The following MYRIP variants were observed in gnomAD, a reference collection of about 807,000 sequenced individuals.
MYRIP encodes myosin VIIA and Rab interacting protein.
In MYRIP, 49 loss-of-function variants were observed where a neutral mutation model predicts 98.0. That is an observed-to-expected ratio of 0.50 (90% CI 0.40 to 0.63). MYRIP has a LOEUF of 0.63. Among genes scored for constraint, MYRIP ranks in the 30% least tolerant of loss-of-function variants. MYRIP has a pLI of 0.00. For missense variants in MYRIP, 1,004 were observed against 1,058.2 expected, an observed-to-expected ratio of 0.95 and a Z score of 0.71; for synonymous variants, 404 against 409.5, an observed-to-expected ratio of 0.99 and a Z score of 0.16.
rs933126667 is a variant in MYRIP, at chr3:40,066,997, A to G, written c.332+22726A>G. On this transcript the variant is annotated intron_variant, in intron 3 of 16. Transcript: ENST00000302541. ...GCTTTTCTGTCCTTTTTGCTTTTCT[A>G]TAGTTTCCAAAGCTTTTACTATCAA... Among the ~76,000 whole-genome samples the G allele has an allele frequency of 2.6e-5, 4 of 152,268 alleles. No individual in the cohort carries two copies. In the South Asian group the frequency reaches 8.3e-4, roughly 32 times the overall value.
chr3:40,056,019 G>T (rs1221188519), intron 3 of MYRIP, among the ~76,000 whole-genome samples: 1 of 152,208 alleles, frequency 6.6e-6, no homozygotes, highest in Admixed American at 6.5e-5. Flanking sequence ...GTACAGAGGG[G>T]TTTTGATGTT....
chr3:40,257,987 C>A lies in MYRIP; in HGVS notation c.2548-147C>A, dbSNP rs111884854. The A allele has an allele frequency of 5.5e-3, 4,400 of 798,994 alleles. 24 individuals carry two copies. The highest frequency in any genetic ancestry group is 0.024 in the African/African-American group (1,387 of 59,002). 49.5% of individuals were successfully genotyped at this position (798,994 alleles called of 1,614,324 possible). On this transcript the variant is annotated intron_variant, in intron 16 of 16. Transcript: ENST00000302541. ...TTAAGAAGCATGCATTTAAAAATGA[C>A]ATCAGTTTCTAAATGTTGTGAAACA...
At chr3:40,187,108 T>A (rs1244215598) in intron 9 of MYRIP, among the ~76,000 whole-genome samples, 1 of 152,228 alleles carries the variant, frequency 6.6e-6, no homozygotes, top group East Asian at 1.9e-4. Context: ...TGCATGGGTG[T>A]TAATTCATAA....
chr3:40,004,155 T>C (rs778376990), intron 2 of MYRIP, among the ~76,000 whole-genome samples: 1 of 152,212 alleles, frequency 6.6e-6, no homozygotes, highest in Non-Finnish European at 1.5e-5. Flanking sequence ...ATGTCTTCTC[T>C]TCCAAAGAAC....
chr3:39,901,775 A>T (rs1283604329), intron 2 of MYRIP, among the ~76,000 whole-genome samples: 2 of 152,158 alleles, frequency 1.3e-5, no homozygotes, highest in Non-Finnish European at 2.9e-5. Context: ...TCAATTAATT[A>T]TTAATAGATT....
intron 3 of MYRIP, among the ~76,000 whole-genome samples, chr3:40,080,428 C>T (rs1334691192): frequency 2.0e-5 from 3 of 151,864 alleles, no homozygotes; most frequent in Non-Finnish European, 4.4e-5. Flanking sequence ...ACACTATCCC[C>T]ATAAATTGAG....
chr3:39,854,044 G>C (rs1002009873), intron 1 of MYRIP, among the ~76,000 whole-genome samples: 1 of 152,068 alleles, frequency 6.6e-6, no homozygotes, highest in Non-Finnish European at 1.5e-5. Context: ...TTGCTTTGTT[G>C]AAGATTAGTT....
chr3:39,887,611 C>G (rs891430776), intron 1 of MYRIP, among the ~76,000 whole-genome samples: 3 of 152,134 alleles, frequency 2.0e-5, no homozygotes, highest in Non-Finnish European at 4.4e-5. Flanking sequence ...CCTTTGAAAA[C>G]TGGCACAAGA....
intron 8 of MYRIP, 85 bp from the exon 9 acceptor site, chr3:40,182,135 C>T (rs763320822): frequency 5.0e-6 from 7 of 1,387,330 alleles, no homozygotes; most frequent in Non-Finnish European, 6.8e-6. Context: ...CCATGCTGGA[C>T]AATGTCTGCC....
intron 11 of MYRIP, among the ~76,000 whole-genome samples, chr3:40,233,366 ACAAAAATGAGTTC>A (rs1383300964): frequency 6.6e-6 from 1 of 152,202 alleles, no homozygotes; most frequent in Non-Finnish European, 1.5e-5. Context: ...TGTACAGATG[ACAAAAATGAGTTC>A]CAGAAATGAG....
At chr3:40,245,504 C>A (rs1222687589) in intron 13 of MYRIP, among the ~76,000 whole-genome samples, 1 of 151,676 alleles carries the variant, frequency 6.6e-6, no homozygotes, top group Non-Finnish European at 1.5e-5. Context: ...AAAAAATTAG[C>A]CGGGAGTGGT....
At chr3:40,045,208 A>C (rs562320732) in intron 3 of MYRIP, among the ~76,000 whole-genome samples, 12 of 152,022 alleles carry the variant, frequency 7.9e-5, no homozygotes, top group Non-Finnish European at 1.5e-4. Context: ...CAAGACCTAG[A>C]ATTTTCCCAT....
chr3:40,074,981 TACTA>T (rs1948313493), intron 3 of MYRIP, among the ~76,000 whole-genome samples: 1 of 152,014 alleles, frequency 6.6e-6, no homozygotes, highest in Non-Finnish European at 1.5e-5. Context: ...AAAACAAAGA[TACTA>T]AAATAGAAAA....
At chr3:39,950,248 A>G (rs546769569) in intron 2 of MYRIP, among the ~76,000 whole-genome samples, 25 of 152,312 alleles carry the variant, frequency 1.6e-4, no homozygotes, top group Admixed American at 6.5e-4. Flanking sequence ...GTTTATATGA[A>G]TGAATGCAAA....
chr3:40,138,444 G>T (rs1262484170), intron 3 of MYRIP, among the ~76,000 whole-genome samples: 1 of 152,090 alleles, frequency 6.6e-6, no homozygotes, highest in Non-Finnish European at 1.5e-5. Context: ...AATTTTGAAG[G>T]TTTGCTGTTA....
intron 10 of MYRIP, among the ~76,000 whole-genome samples, chr3:40,200,208 GGAAGAA>G (rs1189974267): frequency 6.6e-6 from 1 of 151,216 alleles, no homozygotes; most frequent in Non-Finnish European, 1.5e-5. Flanking sequence ...GGGCCACAGT[GGAAGAA>G]GAAGAATTGT....
chr3:40,128,936 G>A (rs1010578519), intron 3 of MYRIP, among the ~76,000 whole-genome samples: 8 of 152,068 alleles, frequency 5.3e-5, no homozygotes, highest in African/African-American at 1.9e-4. Context: ...ATTTGAATTT[G>A]TATCAATAGT....
intron 2 of MYRIP, among the ~76,000 whole-genome samples, chr3:39,981,480 A>G (rs1456869416): frequency 3.3e-5 from 5 of 152,056 alleles, no homozygotes; most frequent in African/African-American, 1.2e-4. Context: ...CTATTTTAGC[A>G]TTTTGGTTTC....
intron 2 of MYRIP, among the ~76,000 whole-genome samples, chr3:39,978,403 G>A (rs1945806090): frequency 1.3e-5 from 2 of 152,304 alleles, no homozygotes; most frequent in South Asian, 2.1e-4. Context: ...TCTGTGCTGT[G>A]GAGTGTGGCT....
Sources: gnomAD v4.1 joint callset for allele counts (sites outside exome capture counted in the v4.1 genomes callset) on GRCh38, gnomAD v4.1.1 for gene constraint, MANE v1.5 for transcripts, NCBI Gene and HGNC (gene_info 2026-07-23, HGNC 2026-07-21) for gene names.